The following YPEL5 variants were observed in gnomAD, a reference collection of about 807,000 sequenced individuals.
YPEL5 encodes yippee like 5, also known as protein yippee-like 5.
Under a neutral mutation model 10.5 loss-of-function variants are expected in YPEL5, and 1 was observed. The ratio of observed to expected loss-of-function variants is 0.10; its 90% confidence interval spans 0.03 to 0.45. YPEL5 has a LOEUF of 0.45. Ranked by LOEUF, YPEL5 falls within the 20% of genes least tolerant of loss-of-function variation. The pLI is 0.97. For synonymous variants in YPEL5, 61 were observed against 56.6 expected, an observed-to-expected ratio of 1.08 and a Z score of -0.35; for missense variants, 68 against 159.3, an observed-to-expected ratio of 0.43 and a Z score of 3.09.
intron 1 of YPEL5, among the ~76,000 whole-genome samples, chr2:30,150,492 G>A (rs944096072): frequency 3.3e-5 from 5 of 152,214 alleles, no homozygotes; most frequent in Admixed American, 6.5e-5. Context: ...AAGTATCTGA[G>A]CTCCACAGTT....
intron 1 of YPEL5, 58 bp from the exon 2 acceptor site, chr2:30,156,570 A>G: frequency 6.6e-7 from 1 of 1,517,504 alleles, no homozygotes; most frequent in Non-Finnish European, 9.0e-7. Context: ...ACACCCCCCA[A>G]GTAGGTGCTA....
At chr2:30,149,985 G>C (rs1390913825) in intron 1 of YPEL5, among the ~76,000 whole-genome samples, 1 of 152,214 alleles carries the variant, frequency 6.6e-6, no homozygotes, top group Non-Finnish European at 1.5e-5. Flanking sequence ...TATTTTTAGG[G>C]CTGGGAAGTG....
At chr2:30,147,961 G>A (rs1675568122) in intron 1 of YPEL5, 1 of 152,062 alleles carries the variant, frequency 6.6e-6, no homozygotes, top group Admixed American at 6.6e-5. Flanking sequence ...CACTGCGGCT[G>A]CCGGGTGAGC....
intron 1 of YPEL5, among the ~76,000 whole-genome samples, chr2:30,153,778 A>G (rs1212314580): frequency 6.6e-6 from 1 of 152,244 alleles, no homozygotes; most frequent in Non-Finnish European, 1.5e-5. Flanking sequence ...GGCAACCACA[A>G]CTAGGAATAG....
Position 30,159,067 on chromosome 2 carries a change from A to T in YPEL5, c.*224A>T, listed in dbSNP as rs984915907. 1.9e-6 allele frequency: 1 copy of T among 538,530 alleles called. No homozygotes were observed. Among genetic ancestry groups the T allele is most frequent in the Non-Finnish European group, 3.3e-6 (1 of 304,876 alleles). The allele number at this position is 538,530 out of a possible 1,614,324, so 33.4% of individuals were successfully genotyped here. On this transcript the variant is annotated 3_prime_UTR_variant, in exon 3 of 3. Coordinates refer to ENST00000261353, the MANE Select transcript of YPEL5 (RefSeq NM_016061.3). ...AGAGAATATTATGCAGATGCCGTTA[A>T]TTTTTTACCCTATGTTTACATCTTG... is the stretch of plus-strand genomic sequence containing the variant.
chr2:30,150,876 A>G (rs1039756040), intron 1 of YPEL5, among the ~76,000 whole-genome samples: 2 of 152,254 alleles, frequency 1.3e-5, no homozygotes, highest in Non-Finnish European at 2.9e-5. Context: ...TCTTCATTGT[A>G]AAGTGGAAGG....
At chr2:30,149,208 TAA>T (rs992526015) in intron 1 of YPEL5, among the ~76,000 whole-genome samples, 1 of 152,198 alleles carries the variant, frequency 6.6e-6, no homozygotes, top group African/African-American at 2.4e-5. Context: ...TATTTAAATA[TAA>T]GTGTTATTGA....
chr2:30,152,804 G>A (rs985192561), intron 1 of YPEL5, among the ~76,000 whole-genome samples: 11 of 150,200 alleles, frequency 7.3e-5, no homozygotes, highest in African/African-American at 2.7e-4. Flanking sequence ...TAGGTCTAAG[G>A]CAGAGTTCAA....
Position 30,158,851 on chromosome 2 carries a change from G to A in YPEL5, c.*8G>A. On this transcript the variant is annotated 3_prime_UTR_variant, in exon 3 of 3. Transcript: ENST00000261353. ...CCATCTGATAACTCTTGAAGATACAGAGAGAAATCCATCTTTTCCCAGGTC... is the reference window on the plus strand; with the variant it reads ...CCATCTGATAACTCTTGAAGATACAAAGAGAAATCCATCTTTTCCCAGGTC... The A allele has an allele frequency of 1.2e-6, 2 of 1,612,710 alleles. No individual in the cohort carries two copies. The highest frequency in any genetic ancestry group is 1.7e-6 in the Non-Finnish European group (2 of 1,178,806).
At chr2:30,150,132 A>T (rs1344512223) in intron 1 of YPEL5, among the ~76,000 whole-genome samples, 4 of 152,162 alleles carry the variant, frequency 2.6e-5, no homozygotes, top group Non-Finnish European at 5.9e-5. Flanking sequence ...CCAGCTTCTG[A>T]TTTCTATCAC....
intron 1 of YPEL5, among the ~76,000 whole-genome samples, chr2:30,153,160 C>G (rs935395683): frequency 6.6e-6 from 1 of 152,176 alleles, no homozygotes; most frequent in Non-Finnish European, 1.5e-5. Context: ...CTTGGCCTCC[C>G]CAAAGGGCCG....
At chr2:30,157,399 C>G (rs1676090194) in intron 2 of YPEL5, among the ~76,000 whole-genome samples, 1 of 152,306 alleles carries the variant, frequency 6.6e-6, no homozygotes, top group African/African-American at 2.4e-5. Flanking sequence ...AGATACCCAC[C>G]TCCCTTTCTC....
chr2:30,158,930 G>A lies in YPEL5; in HGVS notation c.*87G>A. ...CATACACTGTCACCTTAGCATCAGA[G>A]TCGGATTAATGAACTGCGGAACAAG... On this transcript the variant is annotated 3_prime_UTR_variant, in exon 3 of 3. Coordinates refer to ENST00000261353, the MANE Select transcript of YPEL5 (RefSeq NM_016061.3). The A allele has an allele frequency of 7.9e-7, 1 of 1,271,088 alleles. No individual in the cohort carries two copies. The highest frequency in any genetic ancestry group is 1.1e-6 in the Non-Finnish European group (1 of 903,594). The allele number at this position is 1,271,088 out of a possible 1,614,324, so 78.7% of individuals were successfully genotyped here.
intron 1 of YPEL5, among the ~76,000 whole-genome samples, chr2:30,152,175 T>G (rs1035156465): frequency 6.6e-6 from 1 of 152,230 alleles, no homozygotes; most frequent in Non-Finnish European, 1.5e-5. Context: ...TTTTTTTCTT[T>G]TTAAAAAATA....
At chr2:30,154,118 A>G (rs1030635869) in intron 1 of YPEL5, among the ~76,000 whole-genome samples, 1 of 152,228 alleles carries the variant, frequency 6.6e-6, no homozygotes, top group Non-Finnish European at 1.5e-5. Context: ...TAAAAGTCTT[A>G]AGGGAAATTG....
At position 30,160,018 on chromosome 2, in the gene YPEL5, C is replaced by T. The variant is rs1360789823; in HGVS notation, c.*1175C>T. On this transcript the variant is annotated 3_prime_UTR_variant, in exon 3 of 3. Transcript: ENST00000261353. ...TCACATACAAAGGGATCAAATTTGA[C>T]CTGGTGTTATTTTAGCCCCAAATTT... 3 of 152,508 alleles carry T rather than the reference C, an allele frequency of 2.0e-5. No homozygotes were observed. The highest frequency in any genetic ancestry group is 7.2e-5 in the African/African-American group (3 of 41,398). The allele number at this position is 152,508 out of a possible 1,614,324, so 9.4% of individuals were successfully genotyped here. A position where few individuals can be genotyped will look rare whatever the true frequency, so the allele number is the denominator to read the frequency against.
chr2:30,156,862 C>G (rs564916178), intron 2 of YPEL5, 70 bp downstream of exon 2: 4 of 1,555,782 alleles, frequency 2.6e-6, no homozygotes, highest in Middle Eastern at 1.7e-4. Flanking sequence ...CAGAATACCC[C>G]CTCAGAGCTT....
intron 1 of YPEL5, among the ~76,000 whole-genome samples, chr2:30,150,394 A>G (rs1675728044): frequency 6.6e-6 from 1 of 152,208 alleles, no homozygotes; most frequent in African/African-American, 2.4e-5. Context: ...CATTTTACAG[A>G]TGAAACAGGA....
At chr2:30,153,020 C>A (rs1675880750) in intron 1 of YPEL5, among the ~76,000 whole-genome samples, 2 of 152,058 alleles carry the variant, frequency 1.3e-5, no homozygotes, top group African/African-American at 4.8e-5. Context: ...CCTGCCTCAG[C>A]CTCCTGAGTA....
Sources: allele counts gnomAD v4.1 joint callset (sites outside exome capture counted in the v4.1 genomes callset), GRCh38; gene constraint gnomAD v4.1.1; transcripts MANE v1.5; gene names NCBI Gene and HGNC (gene_info 2026-07-23, HGNC 2026-07-21).